Variants in GRAMD1B observed in about 807,000 individuals in gnomAD.
GRAMD1B encodes protein Aster-B.
GRAMD1B carries 37 observed loss-of-function variants against 99.7 expected under a neutral mutation model. The ratio of observed to expected loss-of-function variants is 0.37; its 90% CI spans 0.29 to 0.49. The LOEUF (loss-of-function observed/expected upper bound fraction) is 0.49. Among genes scored for constraint, GRAMD1B ranks in the 20% least tolerant of loss-of-function variants. The pLI is 0.98. For missense variants in GRAMD1B, 888 were observed against 1,009.2 expected (o/e 0.88, Z 1.63); for synonymous variants, 427 against 387.6 (o/e 1.10, Z -1.19).
At chr11:123,439,648 A>T (rs927875307) in intron 1 of GRAMD1B, among the ~76,000 whole-genome samples, 2 of 152,146 alleles carry the variant, frequency 1.3e-5, no homozygotes, top group Non-Finnish European at 2.9e-5. Flanking sequence ...TGTAGATGAG[A>T]TGGAGGAATG....
intron 2 of GRAMD1B, among the ~76,000 whole-genome samples, chr11:123,493,786 A>G (rs61906275): frequency 0.02 from 3,093 of 152,250 alleles, 41 homozygotes; most frequent in Non-Finnish European, 0.033. Flanking sequence ...CCTATTGTTC[A>G]GATCCCAGGA....
intron 1 of GRAMD1B, among the ~76,000 whole-genome samples, chr11:123,443,430 G>A (rs1036953198): frequency 6.6e-6 from 1 of 152,182 alleles, no homozygotes. Context: ...TTACAGCTTG[G>A]TTTTACACAT....
At chr11:123,612,537 T>C (rs1235204276) in intron 14 of GRAMD1B, among the ~76,000 whole-genome samples, 1 of 152,230 alleles carries the variant, frequency 6.6e-6, no homozygotes, top group African/African-American at 2.4e-5. Flanking sequence ...TAGCCTTTGC[T>C]CTGCTTAAAT....
intron 1 of GRAMD1B, among the ~76,000 whole-genome samples, chr11:123,410,867 T>C (rs1948023832): frequency 6.6e-6 from 1 of 152,182 alleles, no homozygotes; most frequent in Non-Finnish European, 1.5e-5. Context: ...ATTTTATTTA[T>C]TTATATTTAC....
chr11:123,510,465 G>C lies in GRAMD1B; in HGVS notation c.452+29572G>C, dbSNP rs1052891181. ...GTCTGTGGAACACAGACAGGAGACAGGGCCCCCCTGCTTGCTGTGGACCTC... is the reference window on the plus strand; with the variant it reads ...GTCTGTGGAACACAGACAGGAGACACGGCCCCCCTGCTTGCTGTGGACCTC... On this transcript the variant is annotated intron_variant, in intron 2 of 19. Coordinates refer to ENST00000635736, the MANE Select transcript of GRAMD1B (RefSeq NM_001387025.1). This position sits in a 1 kb window ranked among gnomAD's most constrained non-coding sequence, Gnocchi z 4.3. Among the ~76,000 whole-genome samples the C allele has an allele frequency of 4.6e-5, 7 of 152,172 alleles. No individual in the cohort carries two copies. Among genetic ancestry groups the C allele is most frequent in the African/African-American group, 1.7e-4 (7 of 41,438 alleles).
chr11:123,451,051 G>C (rs1591565397), intron 1 of GRAMD1B, among the ~76,000 whole-genome samples: 1 of 152,314 alleles, frequency 6.6e-6, no homozygotes, highest in South Asian at 2.1e-4. Flanking sequence ...GATACCTGCT[G>C]TTGGGAGCGT....
rs1955389882 is a variant in GRAMD1B at position 123,624,612 on chromosome 11, C to T, written c.*2017C>T. On this transcript the variant is annotated 3_prime_UTR_variant, in exon 20 of 20. Coordinates refer to ENST00000635736, the MANE Select transcript of GRAMD1B (RefSeq NM_001387025.1). Reference sequence around the variant, plus strand: ...AGGGACACTGGTAGGGATCAAGGCTCATGGGCTCTGAGCCAAAGAAGGAGG... The same window carrying T: ...AGGGACACTGGTAGGGATCAAGGCTTATGGGCTCTGAGCCAAAGAAGGAGG... The T allele has an allele frequency of 6.6e-6, 1 of 152,226 alleles. No homozygotes were observed. The highest frequency in any genetic ancestry group is 2.4e-5 in the African/African-American group (1 of 41,452). The allele number at this position is 152,226 out of a possible 1,614,324, so 9.4% of individuals were successfully genotyped here. A position where few individuals can be genotyped will look rare whatever the true frequency, so the allele number is the denominator to read the frequency against.
At chr11:123,580,798 A>T (rs891592491) in intron 3 of GRAMD1B, among the ~76,000 whole-genome samples, 2 of 152,022 alleles carry the variant, frequency 1.3e-5, no homozygotes, top group African/African-American at 4.8e-5. Context: ...GGCGCTATGC[A>T]GCAGGTGCGG....
chr11:123,391,741 C>A (rs1384151641), intron 1 of GRAMD1B, among the ~76,000 whole-genome samples: 1 of 152,192 alleles, frequency 6.6e-6, no homozygotes, highest in African/African-American at 2.4e-5. Flanking sequence ...CAGGTGTGAG[C>A]CACCACACCC....
At chr11:123,409,905 CTTTAGTGGCGAACAATAG>C (rs1028292107) in intron 1 of GRAMD1B, among the ~76,000 whole-genome samples, 2 of 152,192 alleles carry the variant, frequency 1.3e-5, no homozygotes, top group African/African-American at 2.4e-5. Context: ...TCACGCTTTC[CTTTAGTGGCGAACAATAG>C]TTCCGTAACT....
intron 2 of GRAMD1B, among the ~76,000 whole-genome samples, chr11:123,515,739 A>C (rs1941609797): frequency 1.3e-5 from 2 of 152,160 alleles, no homozygotes; most frequent in African/African-American, 4.8e-5. Flanking sequence ...TTAAACACAA[A>C]ATTTAAAAGG....
intron 4 of GRAMD1B, among the ~76,000 whole-genome samples, chr11:123,589,980 C>A (rs1043658078): frequency 6.6e-6 from 1 of 152,156 alleles, no homozygotes. Context: ...CACATCTTCC[C>A]CACCCCACTG....
chr11:123,525,998 C>CCTTTCTCT, intron 2 of GRAMD1B: 1 of 658,494 alleles, frequency 1.5e-6, no homozygotes, highest in South Asian at 1.9e-5. Context: ...GCTCTTTCTC[C>CCTTTCTCT]CTTTCTCTCT....
At chr11:123,555,278 T>C (rs944897136) in intron 2 of GRAMD1B, among the ~76,000 whole-genome samples, 5 of 152,210 alleles carry the variant, frequency 3.3e-5, no homozygotes, top group Non-Finnish European at 7.4e-5. Flanking sequence ...AATGCAATAT[T>C]ATACAAGCAC....
intron 2 of GRAMD1B, among the ~76,000 whole-genome samples, chr11:123,556,891 G>A (rs1215566871): frequency 6.6e-6 from 1 of 152,192 alleles, no homozygotes; most frequent in Non-Finnish European, 1.5e-5. Flanking sequence ...AAGTATGAGT[G>A]CCTCTATGGG....
At chr11:123,513,945 T>G (rs1420483568) in intron 2 of GRAMD1B, among the ~76,000 whole-genome samples, 1 of 152,158 alleles carries the variant, frequency 6.6e-6, no homozygotes, top group East Asian at 1.9e-4. Context: ...CTTGAGCCAC[T>G]GTGCTGGCAA....
chr11:123,427,055 C>T (rs1948678578), upstream of GRAMD1B, among the ~76,000 whole-genome samples: 1 of 151,956 alleles, frequency 6.6e-6, no homozygotes, highest in South Asian at 2.1e-4. Context: ...TCTGGGGAAG[C>T]GGGGAATGGG....
intron 2 of GRAMD1B, among the ~76,000 whole-genome samples, chr11:123,481,762 G>A (rs1017527251): frequency 1.3e-5 from 2 of 152,228 alleles, no homozygotes; most frequent in African/African-American, 4.8e-5. Context: ...CCTGTGAATT[G>A]TAGACAGAGG....
intron 1 of GRAMD1B, among the ~76,000 whole-genome samples, chr11:123,386,395 G>A (rs77051819): frequency 0.1 from 15,212 of 150,504 alleles, 913 homozygotes; most frequent in Non-Finnish European, 0.14. Flanking sequence ...TTCCATCCCC[G>A]GATTCTTAGA....
Sources: allele counts gnomAD v4.1 joint callset (sites outside exome capture counted in the v4.1 genomes callset), GRCh38; gene constraint gnomAD v4.1.1; non-coding constraint Gnocchi (gnomAD v3.1); transcripts MANE v1.5; gene names NCBI Gene and HGNC (gene_info 2026-07-23, HGNC 2026-07-21).